The following SGIP1 variants were observed in gnomAD, a reference collection of about 807,000 sequenced individuals.
SGIP1 encodes SH3GL interacting endocytic adaptor 1, also known as SH3-containing GRB2-like protein 3-interacting protein 1.
In SGIP1, 38 loss-of-function variants were observed where a neutral mutation model predicts 107.5. The observed-to-expected ratio is 0.35, with a 90% CI of 0.27 to 0.46. SGIP1 has a LOEUF of 0.46. Ranked by LOEUF, SGIP1 falls within the 20% of genes least tolerant of loss-of-function variation. SGIP1 has a pLI of 1.00. For synonymous variants in SGIP1, 365 were observed against 366.1 expected (o/e 1.00, Z 0.03); for missense variants, 929 against 1,019.5 (o/e 0.91, Z 1.21).
At position 66,606,162 on chromosome 1, in the gene SGIP1, A is replaced by G. The variant is rs566518001; in HGVS notation, c.11-19685A>G. ...TCAAATATGTTTAAATCTTAGTGCC[A>G]TTTATTCACCACGGGGTCTTACATG... On this transcript the variant is annotated intron_variant, in intron 1 of 24. Coordinates refer to ENST00000371037, the MANE Select transcript of SGIP1 (RefSeq NM_032291.4). Among the ~76,000 whole-genome samples the G allele has an allele frequency of 6.6e-4, 100 of 152,342 alleles. No homozygotes were observed. In the Middle Eastern group the frequency reaches 0.01, roughly 16 times the overall value.
intron 9 of SGIP1, 62 bp downstream of exon 9, chr1:66,667,603 T>A: frequency 6.6e-7 from 1 of 1,506,344 alleles, no homozygotes; most frequent in Non-Finnish European, 9.2e-7. Flanking sequence ...CAAGGCAAGG[T>A]GGCCAGGTTG....
intron 18 of SGIP1, among the ~76,000 whole-genome samples, chr1:66,713,427 C>T (rs2093040123): frequency 6.6e-6 from 1 of 152,064 alleles, no homozygotes; most frequent in South Asian, 2.1e-4. Flanking sequence ...GATACCTAAC[C>T]TGTGTACACT....
intron 1 of SGIP1, among the ~76,000 whole-genome samples, chr1:66,593,995 A>AGAAAT (rs2064141877): frequency 6.6e-6 from 1 of 152,242 alleles, no homozygotes; most frequent in African/African-American, 2.4e-5. Flanking sequence ...TAATATTACA[A>AGAAAT]GAAATGAAAT....
intron 18 of SGIP1, among the ~76,000 whole-genome samples, chr1:66,695,998 G>A (rs1236401786): frequency 1.3e-5 from 2 of 152,008 alleles, no homozygotes; most frequent in African/African-American, 2.4e-5. Context: ...CAGAAAAATC[G>A]GGAAAAGAAA....
intron 11 of SGIP1, among the ~76,000 whole-genome samples, 200 bp downstream of exon 11, chr1:66,672,195 A>G (rs2083982277): frequency 6.6e-6 from 1 of 152,192 alleles, no homozygotes; most frequent in Non-Finnish European, 1.5e-5. Flanking sequence ...TTAGGGAAAT[A>G]TTCTGCCCTT....
At chr1:66,618,890 C>A (rs992476940) in intron 1 of SGIP1, among the ~76,000 whole-genome samples, 3 of 152,156 alleles carry the variant, frequency 2.0e-5, no homozygotes, top group Non-Finnish European at 2.9e-5. Context: ...AGCTGGAAGG[C>A]AGTCAAATTG....
intron 2 of SGIP1, among the ~76,000 whole-genome samples, chr1:66,630,845 A>G (rs181240579): frequency 0.071 from 1,775 of 24,936 alleles, 63 homozygotes; most frequent in East Asian, 0.27. Flanking sequence ...GAAAGAAAGA[A>G]AGAAAGAAAG....
At chr1:66,604,117 C>A (rs2066372353) in intron 1 of SGIP1, among the ~76,000 whole-genome samples, 1 of 152,138 alleles carries the variant, frequency 6.6e-6, no homozygotes, top group Admixed American at 6.5e-5. Flanking sequence ...TAGGTAGGAT[C>A]TGTCTCTGGA....
chr1:66,563,428 GAA>G (rs2059229162), intron 1 of SGIP1, among the ~76,000 whole-genome samples: 1 of 152,032 alleles, frequency 6.6e-6, no homozygotes, highest in Non-Finnish European at 1.5e-5. Context: ...CAAGACAAGA[GAA>G]GAGAGTGACT....
intron 18 of SGIP1, among the ~76,000 whole-genome samples, chr1:66,714,693 C>A (rs1185678129): frequency 1.3e-5 from 2 of 152,058 alleles, no homozygotes; most frequent in Non-Finnish European, 2.9e-5. Flanking sequence ...CAGTCTATTG[C>A]CTTCATTTCA....
At chr1:66,693,593 T>G (rs2090315395) in intron 17 of SGIP1, among the ~76,000 whole-genome samples, 1 of 152,260 alleles carries the variant, frequency 6.6e-6, no homozygotes, top group Non-Finnish European at 1.5e-5. Context: ...TGTACAGATT[T>G]TATTCAATTT....
chr1:66,711,096 T>G (rs2092885695), intron 18 of SGIP1, among the ~76,000 whole-genome samples: 6 of 152,206 alleles, frequency 3.9e-5, no homozygotes, highest in Admixed American at 1.3e-4. Flanking sequence ...TAATGTAGCT[T>G]AAACTTTGTT....
intron 20 of SGIP1, among the ~76,000 whole-genome samples, chr1:66,730,290 TCTAA>T (rs2093948521): frequency 2.0e-5 from 3 of 152,202 alleles, no homozygotes; most frequent in South Asian, 2.1e-4. Context: ...TTTCACATTT[TCTAA>T]CTATTAAACC....
intron 1 of SGIP1, among the ~76,000 whole-genome samples, chr1:66,560,131 C>T (rs1011430518): frequency 2.0e-5 from 3 of 152,000 alleles, no homozygotes; most frequent in Admixed American, 6.6e-5. Context: ...AGGCTCAAAC[C>T]CTTCTCTTTG....
intron 21 of SGIP1, among the ~76,000 whole-genome samples, chr1:66,736,226 AT>A (rs2094230466): frequency 6.9e-6 from 1 of 145,590 alleles, no homozygotes; most frequent in African/African-American, 2.5e-5. Flanking sequence ...TTATACAAAT[AT>A]TTTAAATATA....
chr1:66,645,660 A>C (rs1406189481), intron 7 of SGIP1, among the ~76,000 whole-genome samples: 1 of 152,132 alleles, frequency 6.6e-6, no homozygotes, highest in East Asian at 1.9e-4. Flanking sequence ...AAATATTTAT[A>C]ATTTTTCATA....
At chr1:66,646,515 A>T (rs575996123) in intron 7 of SGIP1, among the ~76,000 whole-genome samples, 1 of 152,184 alleles carries the variant, frequency 6.6e-6, no homozygotes, top group Non-Finnish European at 1.5e-5. Context: ...TGCCTCACTT[A>T]TTCTTTTCAT....
At chr1:66,553,226 T>G (rs2057694019) in intron 1 of SGIP1, among the ~76,000 whole-genome samples, 1 of 152,096 alleles carries the variant, frequency 6.6e-6, no homozygotes. Flanking sequence ...ATGATAACTT[T>G]ATATGCATGC....
At chr1:66,547,571 C>T (rs924032042) in intron 1 of SGIP1, among the ~76,000 whole-genome samples, 1 of 152,098 alleles carries the variant, frequency 6.6e-6, no homozygotes, top group African/African-American at 2.4e-5. Flanking sequence ...CAGAGCTCGT[C>T]GCACTCTTGA....
Sources: gnomAD v4.1 joint callset for allele counts (sites outside exome capture counted in the v4.1 genomes callset) on GRCh38, gnomAD v4.1.1 for gene constraint, MANE v1.5 for transcripts, NCBI Gene and HGNC (gene_info 2026-07-23, HGNC 2026-07-21) for gene names.